SLIT3: variants seen among roughly 807,000 people sequenced by gnomAD.
SLIT3 encodes the protein slit guidance ligand 3.
SLIT3 carries 68 observed loss-of-function variants against 184.0 expected under a neutral mutation model. That is an observed-to-expected ratio of 0.37 (90% CI 0.30 to 0.45). The LOEUF (loss-of-function observed/expected upper bound fraction) is 0.45. Among genes scored for constraint, SLIT3 ranks in the 20% least tolerant of loss-of-function variants. The probability of loss-of-function intolerance (pLI) is 1.00; values close to 1 mark genes in which losing one functional copy is unlikely to be tolerated. For missense variants in SLIT3, 1,707 were observed against 2,026.0 expected, an observed-to-expected ratio of 0.84 and a Z score of 3.02; for synonymous variants, 831 against 828.6, an observed-to-expected ratio of 1.00 and a Z score of -0.05.
intron 3 of SLIT3, among the ~76,000 whole-genome samples, chr5:169,212,458 T>G (rs1441891698): frequency 7.3e-6 from 1 of 136,848 alleles, no homozygotes; most frequent in East Asian, 3.4e-4. Context: ...CCACTTTTTG[T>G]TGGGGTTGTA....
intron 4 of SLIT3, among the ~76,000 whole-genome samples, chr5:169,063,897 T>C (rs1367231177): frequency 6.6e-6 from 1 of 152,218 alleles, no homozygotes; most frequent in Non-Finnish European, 1.5e-5. Flanking sequence ...CCTCTCAACA[T>C]AAATTCTGAC....
chr5:168,683,289 G>C (rs565908162), intron 32 of SLIT3, among the ~76,000 whole-genome samples: 3 of 150,278 alleles, frequency 2.0e-5, no homozygotes, highest in South Asian at 2.1e-4. Flanking sequence ...AGAATTGCTT[G>C]AATCTGGGAG....
Position 168,675,329 on chromosome 5 carries a change from T to C in SLIT3, c.3687-1998A>G, listed in dbSNP as rs1323553999. Among the ~76,000 whole-genome samples the C allele has an allele frequency of 7.2e-5, 11 of 152,166 alleles. No individual in the cohort carries two copies. In the East Asian group the frequency reaches 2.1e-3, roughly 29 times the overall value. ...GGCAGGCAGGGACCATTTCAGTGAC[T>C]AACTCAGATTTAGAAATCTCAGCAG... is the stretch of plus-strand genomic sequence containing the variant. On this transcript the variant is annotated intron_variant, in intron 32 of 35. Coordinates refer to ENST00000519560, the MANE Select transcript of SLIT3 (RefSeq NM_003062.4).
At position 169,140,436 on chromosome 5, in the gene SLIT3, C is replaced by T. The variant is rs185139731; in HGVS notation, c.413+53043G>A. Among the ~76,000 whole-genome samples the T allele has an allele frequency of 2.4e-3, 304 of 128,634 alleles. 5 individuals are homozygous for T. Among genetic ancestry groups the T allele is most frequent in the African/African-American group, 8.7e-3 (293 of 33,850 alleles). The allele number at this position is 128,634 out of a possible 152,430, so 84.4% of individuals were successfully genotyped here. ...CGGAGGTTGCAGTGAGCAGAGATTG[C>T]GCCATTGCACTCTGGCCTGGGCAAC... On this transcript the variant is annotated intron_variant, in intron 4 of 35. Coordinates refer to ENST00000519560, the MANE Select transcript of SLIT3 (RefSeq NM_003062.4).
chr5:168,835,125 C>T (rs962752569), intron 6 of SLIT3, among the ~76,000 whole-genome samples: 3 of 152,114 alleles, frequency 2.0e-5, no homozygotes, highest in East Asian at 1.9e-4. Flanking sequence ...TTCTATTGGA[C>T]GGTGCTGCTG....
At chr5:169,258,201 A>C (rs1766042241) in intron 1 of SLIT3, among the ~76,000 whole-genome samples, 1 of 152,222 alleles carries the variant, frequency 6.6e-6, no homozygotes, top group Non-Finnish European at 1.5e-5. Flanking sequence ...CTCTGAATGC[A>C]AAGGCCATAG....
intron 4 of SLIT3, among the ~76,000 whole-genome samples, chr5:169,016,007 C>T (rs1176096266): frequency 1.3e-5 from 2 of 151,386 alleles, no homozygotes; most frequent in African/African-American, 4.9e-5. Context: ...TGCCCCCTTG[C>T]TCTTCCTGTC....
intron 4 of SLIT3, among the ~76,000 whole-genome samples, chr5:169,186,861 CCACCATGA>C (rs1180316476): frequency 3.6e-5 from 2 of 55,552 alleles, no homozygotes; most frequent in African/African-American, 9.4e-5. Flanking sequence ...GGAATCTGCT[CCACCATGA>C]TACCATGATA....
chr5:169,231,119 C>G (rs1275686542), intron 3 of SLIT3, among the ~76,000 whole-genome samples: 1 of 152,146 alleles, frequency 6.6e-6, no homozygotes, highest in African/African-American at 2.4e-5. Flanking sequence ...TTTGCAATGT[C>G]CCATATCTGT....
chr5:168,739,109 A>AT (rs1346078055), intron 20 of SLIT3, among the ~76,000 whole-genome samples: 1 of 152,238 alleles, frequency 6.6e-6, no homozygotes, highest in Non-Finnish European at 1.5e-5. Flanking sequence ...AAAGGACATT[A>AT]TTTAAAAAAT....
chr5:168,883,418 C>T, intron 4 of SLIT3, 82 bp from the exon 5 acceptor site: 1 of 1,081,810 alleles, frequency 9.2e-7, no homozygotes, highest in Non-Finnish European at 1.4e-6. Flanking sequence ...AACAATCCCC[C>T]CCACCCAGGC....
intron 4 of SLIT3, among the ~76,000 whole-genome samples, chr5:169,005,622 ATCCCTACT>A (rs1416018956): frequency 1.3e-5 from 2 of 152,232 alleles, no homozygotes; most frequent in Non-Finnish European, 2.9e-5. Flanking sequence ...CAGTATGTAT[ATCCCTACT>A]TTCATCTTTC....
chr5:168,857,388 GTT>G (rs1554149576), intron 5 of SLIT3, among the ~76,000 whole-genome samples: 1 of 151,906 alleles, frequency 6.6e-6, no homozygotes, highest in Non-Finnish European at 1.5e-5. Flanking sequence ...GTTTTGTTTT[GTT>G]TTGTTTTGTT....
chr5:168,777,313 T>C (rs542312088), intron 12 of SLIT3, among the ~76,000 whole-genome samples: 2 of 152,264 alleles, frequency 1.3e-5, no homozygotes, highest in South Asian at 4.2e-4. Flanking sequence ...GCCTTAGTGG[T>C]CATTTAGGTT....
intron 3 of SLIT3, among the ~76,000 whole-genome samples, chr5:169,232,306 C>A (rs976154188): frequency 6.6e-6 from 1 of 152,132 alleles, no homozygotes; most frequent in Non-Finnish European, 1.5e-5. Context: ...CTCACTGCAA[C>A]CTCCGCCTCT....
At chr5:168,897,654 A>G (rs1469447684) in intron 4 of SLIT3, among the ~76,000 whole-genome samples, 27 of 115,430 alleles carry the variant, frequency 2.3e-4, no homozygotes, top group Middle Eastern at 4.8e-3. Context: ...ACGTACACAC[A>G]CACACACACA....
At chr5:168,687,395 A>G (rs981894398) in intron 29 of SLIT3, among the ~76,000 whole-genome samples, 2 of 152,202 alleles carry the variant, frequency 1.3e-5, no homozygotes, top group Non-Finnish European at 2.9e-5. Flanking sequence ...CCTACATGAA[A>G]CTGACATTCA....
rs149140575 is a variant in SLIT3, at chr5:168,912,408, T to C, written c.414-29072A>G. On this transcript the variant is annotated intron_variant, in intron 4 of 35. Coordinates refer to ENST00000519560, the MANE Select transcript of SLIT3 (RefSeq NM_003062.4). ...TTGGTGTCCCTAACCCCTATTTCGG[T>C]CAAGGGTCAAATGTATATAGCATGC... Among the ~76,000 whole-genome samples, 11 of 152,250 alleles carry C rather than the reference T, an allele frequency of 7.2e-5. No homozygotes were observed. In the East Asian group the frequency reaches 2.1e-3, roughly 29 times the overall value.
At chr5:168,745,179 A>T (rs1405615353) in intron 20 of SLIT3, among the ~76,000 whole-genome samples, 1 of 152,238 alleles carries the variant, frequency 6.6e-6, no homozygotes, top group Non-Finnish European at 1.5e-5. Context: ...GAAAATAGTG[A>T]GAACTAGAAT....
Sources: allele counts gnomAD v4.1 joint callset (sites outside exome capture counted in the v4.1 genomes callset), GRCh38; gene constraint gnomAD v4.1.1; transcripts MANE v1.5; gene names NCBI Gene and HGNC (gene_info 2026-07-23, HGNC 2026-07-21).